Variants in KCNH8 observed in about 807,000 individuals in gnomAD.
KCNH8 encodes the protein voltage-gated delayed rectifier potassium channel KCNH8.
Under a neutral mutation model 103.6 loss-of-function variants are expected in KCNH8, and 70 were observed. That is an observed-to-expected ratio of 0.68 (90% CI 0.56 to 0.82). The LOEUF is 0.82. Among genes scored for constraint, KCNH8 ranks in the 40% least tolerant of loss-of-function variants. KCNH8 has a pLI of 0.00. For missense variants in KCNH8, 1,217 were observed against 1,329.9 expected, an observed-to-expected ratio of 0.92 and a Z score of 1.32; for synonymous variants, 498 against 489.4, an observed-to-expected ratio of 1.02 and a Z score of -0.23.
At chr3:19,350,066 C>T (rs2125321630) in intron 5 of KCNH8, among the ~76,000 whole-genome samples, 1 of 152,176 alleles carries the variant, frequency 6.6e-6, no homozygotes. Flanking sequence ...CTATTCTTTC[C>T]TGCTGTTATC....
chr3:19,276,218 T>C (rs1306228293), intron 2 of KCNH8, among the ~76,000 whole-genome samples: 1 of 151,438 alleles, frequency 6.6e-6, no homozygotes, highest in East Asian at 2.0e-4. Context: ...TGTGTATACA[T>C]GTATGTATTT....
chr3:19,478,108 T>C (rs1379281168), intron 11 of KCNH8, among the ~76,000 whole-genome samples: 1 of 152,170 alleles, frequency 6.6e-6, no homozygotes, highest in Non-Finnish European at 1.5e-5. Context: ...TTTTATGGCC[T>C]AGTAGTATTC....
At position 19,360,136 on chromosome 3, in the gene KCNH8, G is replaced by A. The variant is rs962993910; in HGVS notation, c.811+12171G>A. Among the ~76,000 whole-genome samples, 6 of 152,150 alleles carry A rather than the reference G, an allele frequency of 3.9e-5. No individual in the cohort carries two copies. In the East Asian group the frequency reaches 1.2e-3, roughly 29 times the overall value. On this transcript the variant is annotated intron_variant, in intron 5 of 15. Transcript: ENST00000328405. ...GATAGCAAATGAAAATAAGAACAAT[G>A]TGGCAAGACTCAATCAAATTTGAAA... is the stretch of plus-strand genomic sequence containing the variant.
At chr3:19,206,159 GGT>G (rs546354220) in intron 1 of KCNH8, among the ~76,000 whole-genome samples, 5 of 138,390 alleles carry the variant, frequency 3.6e-5, no homozygotes, top group Non-Finnish European at 6.0e-5. Context: ...ATATATTAAT[GGT>G]GTGTGTGTAT....
chr3:19,175,184 T>C (rs1310685565), intron 1 of KCNH8, among the ~76,000 whole-genome samples: 1 of 152,114 alleles, frequency 6.6e-6, no homozygotes, highest in African/African-American at 2.4e-5. Flanking sequence ...CTCTAAGAAG[T>C]TGTTGACTTG....
intron 11 of KCNH8, among the ~76,000 whole-genome samples, chr3:19,509,979 AAAG>A (rs568543968): frequency 7.4e-6 from 1 of 135,650 alleles, no homozygotes; most frequent in South Asian, 2.4e-4. Context: ...AAATAGCAAG[AAAG>A]AAGAATAGGG....
Position 19,483,636 on chromosome 3 carries a change from T to C in KCNH8, c.2040+26654T>C, listed in dbSNP as rs73182848. Among the ~76,000 whole-genome samples, 530 of 150,058 alleles carry C rather than the reference T, an allele frequency of 3.5e-3. 1 individual carries two copies. The highest frequency in any genetic ancestry group is 0.012 in the African/African-American group (492 of 40,878). On this transcript the variant is annotated intron_variant, in intron 11 of 15. Transcript: ENST00000328405. ...TAATTGCAAAAACAAATTTCTTGGG[T>C]TTTTTTTGGAATTTCTGGTACTGGC...
intron 3 of KCNH8, among the ~76,000 whole-genome samples, chr3:19,289,607 C>A (rs931459417): frequency 2.1e-4 from 32 of 152,220 alleles, no homozygotes; most frequent in Non-Finnish European, 3.2e-4. Context: ...GTACCAGTAC[C>A]ATGCTGTTTT....
intron 3 of KCNH8, among the ~76,000 whole-genome samples, chr3:19,301,055 C>T (rs1310348011): frequency 6.6e-6 from 1 of 151,216 alleles, no homozygotes; most frequent in East Asian, 1.9e-4. Flanking sequence ...CTCAATAACC[C>T]TGTGGTATGA....
At chr3:19,379,520 G>C (rs537638816) in intron 5 of KCNH8, among the ~76,000 whole-genome samples, 5 of 151,972 alleles carry the variant, frequency 3.3e-5, no homozygotes, top group Admixed American at 2.6e-4. Context: ...TGCACCTATA[G>C]TCCCAGCTGC....
chr3:19,510,635 A>C (rs2068768224), intron 12 of KCNH8, among the ~76,000 whole-genome samples: 1 of 152,212 alleles, frequency 6.6e-6, no homozygotes, highest in Non-Finnish European at 1.5e-5. Context: ...TTGTTACCAA[A>C]ACATGCCAAA....
chr3:19,261,472 T>C (rs2064434988), intron 2 of KCNH8, among the ~76,000 whole-genome samples: 1 of 151,956 alleles, frequency 6.6e-6, no homozygotes, highest in African/African-American at 2.4e-5. Context: ...GTTGTACATG[T>C]TCTTTATCAA....
At chr3:19,221,304 T>G (rs1164516329) in intron 1 of KCNH8, among the ~76,000 whole-genome samples, 1 of 152,180 alleles carries the variant, frequency 6.6e-6, no homozygotes, top group African/African-American at 2.4e-5. Flanking sequence ...GGCCTGAGAT[T>G]TTGCCCCAGG....
chr3:19,331,814 G>A (rs554471884), intron 3 of KCNH8, among the ~76,000 whole-genome samples: 16 of 152,166 alleles, frequency 1.1e-4, no homozygotes, highest in African/African-American at 3.4e-4. Context: ...TCACTCTGTT[G>A]TGCTATCAAA....
At chr3:19,278,896 G>T (rs533902855) in intron 2 of KCNH8, among the ~76,000 whole-genome samples, 2 of 152,242 alleles carry the variant, frequency 1.3e-5, no homozygotes, top group African/African-American at 4.8e-5. Flanking sequence ...TTCACCTCAT[G>T]TGGTTTTGGC....
At chr3:19,384,884 G>C (rs1251524548) in intron 5 of KCNH8, among the ~76,000 whole-genome samples, 2 of 152,118 alleles carry the variant, frequency 1.3e-5, no homozygotes, top group South Asian at 2.1e-4. Context: ...GGCTTACTAT[G>C]TAAAATGAAT....
At chr3:19,196,418 A>G (rs867176045) in intron 1 of KCNH8, among the ~76,000 whole-genome samples, 2 of 151,924 alleles carry the variant, frequency 1.3e-5, no homozygotes, top group Non-Finnish European at 2.9e-5. Flanking sequence ...CTCAGCACCA[A>G]TGTAATGAGA....
intron 1 of KCNH8, among the ~76,000 whole-genome samples, chr3:19,166,350 AAAG>A (rs2063283392): frequency 6.6e-6 from 1 of 152,218 alleles, no homozygotes; most frequent in Non-Finnish European, 1.5e-5. Context: ...TGTTATCAAA[AAAG>A]AGTTCTGATA....
intron 5 of KCNH8, among the ~76,000 whole-genome samples, chr3:19,351,850 G>A (rs561180409): frequency 5.3e-5 from 8 of 152,146 alleles, no homozygotes; most frequent in Non-Finnish European, 8.8e-5. Flanking sequence ...ATAACCAGCT[G>A]ACATCATAAT....
Sources: gnomAD v4.1 joint callset for allele counts (sites outside exome capture counted in the v4.1 genomes callset) on GRCh38, gnomAD v4.1.1 for gene constraint, MANE v1.5 for transcripts, NCBI Gene and HGNC (gene_info 2026-07-23, HGNC 2026-07-21) for gene names.